Variants in DTNBP1 observed in about 807,000 individuals in gnomAD.
DTNBP1 encodes the protein dystrobrevin binding protein 1.
In DTNBP1, 35 loss-of-function variants were observed where a neutral mutation model predicts 42.8. The ratio of observed to expected loss-of-function variants is 0.82; its 90% CI spans 0.63 to 1.09. The LOEUF (loss-of-function observed/expected upper bound fraction) is 1.09. DTNBP1 is among the 50% of genes least tolerant of loss of function. DTNBP1 has a pLI of 0.00. For missense variants in DTNBP1, 457 were observed against 424.2 expected (o/e 1.08, Z -0.68); for synonymous variants, 171 against 162.2 (o/e 1.05, Z -0.41).
intron 6 of DTNBP1, chr6:15,595,038 C>CTGTCTGCTGCTGTGAAGA: frequency 2.3e-6 from 1 of 443,792 alleles, no homozygotes; most frequent in Non-Finnish European, 4.5e-6. Context: ...CTGCAACCGT[C>CTGTCTGCTGCTGTGAAGA]TGTCTGCTGC....
intron 1 of DTNBP1, among the ~76,000 whole-genome samples, chr6:15,654,662 A>G (rs1056076264): frequency 6.6e-6 from 1 of 152,100 alleles, no homozygotes; most frequent in Non-Finnish European, 1.5e-5. Context: ...TTGAAATGAA[A>G]GGGAAAAAAG....
At chr6:15,539,153 A>G (rs1773413380) in intron 7 of DTNBP1, among the ~76,000 whole-genome samples, 1 of 152,242 alleles carries the variant, frequency 6.6e-6, no homozygotes, top group African/African-American at 2.4e-5. Context: ...TCTGATCTAC[A>G]TACATGCAAG....
intron 7 of DTNBP1, among the ~76,000 whole-genome samples, chr6:15,584,700 T>C (rs930705426): frequency 6.9e-6 from 1 of 144,756 alleles, no homozygotes; most frequent in Non-Finnish European, 1.5e-5. Flanking sequence ...AGACAACATG[T>C]ATTTCTTTTT....
At chr6:15,614,693 A>G (rs1758616554) in intron 6 of DTNBP1, among the ~76,000 whole-genome samples, 1 of 152,228 alleles carries the variant, frequency 6.6e-6, no homozygotes, top group South Asian at 2.1e-4. Flanking sequence ...ATTATAACTA[A>G]TATTTACAAA....
intron 5 of DTNBP1, among the ~76,000 whole-genome samples, chr6:15,620,292 A>G (rs1423158920): frequency 6.6e-6 from 1 of 152,216 alleles, no homozygotes; most frequent in Non-Finnish European, 1.5e-5. Context: ...ATTTTAAAGA[A>G]TGTCATAAAT....
chr6:15,613,070 G>C (rs867746268), intron 6 of DTNBP1, among the ~76,000 whole-genome samples: 1 of 151,986 alleles, frequency 6.6e-6, no homozygotes, highest in Non-Finnish European at 1.5e-5. Flanking sequence ...CACTTTGGGA[G>C]GCTGAGGCGA....
At chr6:15,542,364 GTTTTGTTTTTTGTT>G (rs531490790) in intron 7 of DTNBP1, among the ~76,000 whole-genome samples, 5 of 151,918 alleles carry the variant, frequency 3.3e-5, no homozygotes, top group Admixed American at 1.3e-4. Flanking sequence ...CCTATGATTT[GTTTTGTTTTTTGTT>G]TTTTGTTTTT....
Position 15,596,872 on chromosome 6 carries a change from C to T in DTNBP1, c.489-3791G>A, listed in dbSNP as rs372700940. ...CGTCATCTCAGTTAATGGCATTACC[C>T]GGCTCCTCAAGTTTTGGCTCATCCA... is the stretch of plus-strand genomic sequence containing the variant. On this transcript the variant is annotated intron_variant, in intron 6 of 9. Transcript: ENST00000344537. Among the ~76,000 whole-genome samples the T allele has an allele frequency of 4.6e-5, 7 of 152,136 alleles. No homozygotes were observed. In the East Asian group the frequency reaches 5.8e-4, roughly 13 times the overall value.
chr6:15,535,317 C>T (rs1208997801), intron 7 of DTNBP1, among the ~76,000 whole-genome samples: 2 of 151,950 alleles, frequency 1.3e-5, no homozygotes, highest in Non-Finnish European at 2.9e-5. Context: ...TTATAAATTA[C>T]CTATTTTTTT....
chr6:15,523,345 G>T, intron 9 of DTNBP1, 126 bp from the exon 10 acceptor site: 3 of 1,393,570 alleles, frequency 2.2e-6, no homozygotes, highest in Non-Finnish European at 3.0e-6. Context: ...GGCACCTGGG[G>T]CCTGCAGAAC....
intron 8 of DTNBP1, among the ~76,000 whole-genome samples, chr6:15,526,552 C>T (rs565898016): frequency 2.0e-5 from 3 of 152,310 alleles, no homozygotes; most frequent in Admixed American, 6.5e-5. Context: ...GCATCACCCT[C>T]GCCAACTGAG....
At chr6:15,604,510 C>T (rs543654652) in intron 6 of DTNBP1, among the ~76,000 whole-genome samples, 2 of 152,112 alleles carry the variant, frequency 1.3e-5, no homozygotes, top group Non-Finnish European at 2.9e-5. Context: ...TTCTCAGCTC[C>T]GCAAAGCCAG....
intron 7 of DTNBP1, among the ~76,000 whole-genome samples, chr6:15,538,209 G>C (rs1688371509): frequency 6.6e-6 from 1 of 152,156 alleles, no homozygotes; most frequent in Non-Finnish European, 1.5e-5. Flanking sequence ...AGGGCACTGG[G>C]CCTTCTTGGA....
At position 15,615,319 on chromosome 6, in the gene DTNBP1, T is replaced by C. The variant is rs763062012; in HGVS notation, c.436A>G (p.Arg146Gly). 1 of 1,614,208 alleles carries C rather than the reference T, an allele frequency of 6.2e-7. No individual in the cohort carries two copies. The highest frequency in any genetic ancestry group is 8.5e-7 in the Non-Finnish European group (1 of 1,180,028). Residue 146 changes from arginine to glycine, a missense_variant, in exon 6 of 10, where the codon AGA becomes GGA. By Grantham distance (125) the Arg-to-Gly change is moderately radical. Coordinates refer to ENST00000344537, the MANE Select transcript of DTNBP1 (RefSeq NM_032122.5). Reference sequence around the variant, plus strand: ...TGCTGGGACTGCATATGTTTGCATCTTTCTAATTCACACTGCCCACATAAG... The same window carrying C: ...TGCTGGGACTGCATATGTTTGCATCCTTCTAATTCACACTGCCCACATAAG... The part of the protein sequence containing the change: ...EDLCGQCELE[R>G]CKHMQSQQLE...
chr6:15,554,990 G>A (rs1295527784), intron 7 of DTNBP1, among the ~76,000 whole-genome samples: 1 of 151,856 alleles, frequency 6.6e-6, no homozygotes, highest in African/African-American at 2.4e-5. Context: ...AGGGCTGTTT[G>A]CTCCTTAGCC....
chr6:15,660,484 C>T lies in DTNBP1; in HGVS notation c.56+2330G>A, dbSNP rs185313310. ...TCCACCAGGTGACAGGCTAATGGCA[C>T]ACACTGACAGTCCAGTGGTTTGTCA... On this transcript the variant is annotated intron_variant, in intron 1 of 9. Transcript: ENST00000344537. 4.3e-5 allele frequency: 55 copies of T among 1,289,802 alleles called. No individual in the cohort carries two copies. The African/African-American group carries it at 7.4e-4, about 17-fold the overall frequency. The allele number at this position is 1,289,802 out of a possible 1,614,324, so 79.9% of individuals were successfully genotyped here. A position where few individuals can be genotyped will look rare whatever the true frequency, so the allele number is the denominator to read the frequency against.
At chr6:15,589,346 C>T (rs1260563700) in intron 7 of DTNBP1, among the ~76,000 whole-genome samples, 1 of 152,182 alleles carries the variant, frequency 6.6e-6, no homozygotes, top group Non-Finnish European at 1.5e-5. Context: ...CTTCTTTGAC[C>T]ACAAGATCCA....
chr6:15,650,314 C>T (rs749038983), intron 3 of DTNBP1, among the ~76,000 whole-genome samples: 1 of 152,074 alleles, frequency 6.6e-6, no homozygotes, highest in Non-Finnish European at 1.5e-5. Context: ...CTCTTGTTGC[C>T]CAGGCTGGAG....
intron 5 of DTNBP1, among the ~76,000 whole-genome samples, chr6:15,615,812 A>T (rs967926050): frequency 6.6e-6 from 1 of 152,236 alleles, no homozygotes; most frequent in Non-Finnish European, 1.5e-5. Flanking sequence ...AACTAACTTA[A>T]TATCTGTGTT....
Sources: gnomAD v4.1 joint callset for allele counts (sites outside exome capture counted in the v4.1 genomes callset) on GRCh38, gnomAD v4.1.1 for gene constraint, MANE v1.5 for transcripts, NCBI Gene and HGNC (gene_info 2026-07-23, HGNC 2026-07-21) for gene names.